The following STK31 variants were observed in gnomAD, a reference collection of about 807,000 sequenced individuals.
STK31 encodes the protein serine/threonine kinase 31, also known as serine/threonine-protein kinase 31.
STK31 carries 89 observed loss-of-function variants against 129.7 expected under a neutral mutation model. That is an observed-to-expected ratio of 0.69 (90% confidence interval 0.58 to 0.82). STK31 has a LOEUF of 0.82. STK31 is among the 40% of genes least tolerant of loss of function. The pLI is 0.00. For synonymous variants in STK31, 448 were observed against 395.3 expected (o/e 1.13, Z -1.58); for missense variants, 1,187 against 1,176.4 (o/e 1.01, Z -0.13).
intron 17 of STK31, among the ~76,000 whole-genome samples, chr7:23,784,498 C>T (rs1325837382): frequency 1.3e-5 from 2 of 152,004 alleles, no homozygotes; most frequent in Non-Finnish European, 2.9e-5. Context: ...TATGTACTGC[C>T]ACATGGGACT....
In STK31 at chr7:23,737,036, G is replaced by T; in HGVS notation, c.975G>T (p.Lys325Asn). The change falls in exon 8 of 24, where the codon AAG (lysine) becomes AAT (asparagine). Residue 325 changes from lysine to asparagine, a missense_variant. Lys to Asn is a moderately conservative substitution (Grantham distance 94, BLOSUM62 0). Coordinates refer to ENST00000355870, the MANE Select transcript of STK31 (RefSeq NM_031414.5). The part of the protein sequence containing the change: ...TEKDALLESY[K>N]ALELKVEQIA... ...AGGACGCTCTTCTTGAAAGTTATAA[G>T]GCGTTAGAATTGAAAGTAGAGCAGA... 1 of 1,611,682 alleles carries T rather than the reference G, an allele frequency of 6.2e-7. No homozygotes were observed. Among genetic ancestry groups the T allele is most frequent in the Admixed American group, 1.7e-5 (1 of 59,868 alleles).
chr7:23,807,645 T>G (rs1792790885), intron 22 of STK31, among the ~76,000 whole-genome samples: 1 of 151,162 alleles, frequency 6.6e-6, no homozygotes, highest in African/African-American at 2.5e-5. Flanking sequence ...CCCCACCCTT[T>G]CTCCTCTTTT....
chr7:23,750,395 T>A (rs1054416395), intron 8 of STK31, among the ~76,000 whole-genome samples: 3 of 152,198 alleles, frequency 2.0e-5, no homozygotes, highest in African/African-American at 7.2e-5. Flanking sequence ...ATCTCACCTT[T>A]TCTTACAGAT....
Position 23,772,187 on chromosome 7 carries a change from G to A in STK31, c.1874G>A (p.Ser625Asn). 2 of 1,601,570 alleles carry A rather than the reference G, an allele frequency of 1.2e-6. No individual in the cohort carries two copies. The highest frequency in any genetic ancestry group is 2.7e-5 in the African/African-American group (2 of 74,554). Residue 625 changes from serine (S) to asparagine (N), a missense_variant, in exon 15 of 24, where the codon AGT becomes AAT. By Grantham distance (46) the Ser-to-Asn change is conservative (BLOSUM62 1). Coordinates refer to ENST00000355870, the MANE Select transcript of STK31 (RefSeq NM_031414.5). Reference protein sequence around the residue: ...QLIEYLNKSPSVDHLLSIKKT... With the variant: ...QLIEYLNKSPNVDHLLSIKKT... ...ATTGAATATTTAAATAAGAGTCCCA[G>A]TGTGGATCACTTGCTATCCATTAAG... is the stretch of plus-strand genomic sequence containing the variant.
intron 4 of STK31, among the ~76,000 whole-genome samples, chr7:23,724,568 C>A (rs1490008862): frequency 6.6e-6 from 1 of 152,182 alleles, no homozygotes; most frequent in Admixed American, 6.5e-5. Flanking sequence ...GCATATCTGT[C>A]GCTTACCTTA....
chr7:23,752,457 C>G lies in STK31; in HGVS notation c.1018-260C>G, dbSNP rs117432643. Among the ~76,000 whole-genome samples, 500 of 151,882 alleles carry G rather than the reference C, an allele frequency of 3.3e-3. 3 individuals carry two copies. Among genetic ancestry groups the G allele is most frequent in the Middle Eastern group, 0.01 (3 of 294 alleles). ...CTCTGCCTCCCTAACTCAAGCCATC[C>G]TCTCACCTTAGCCTCCTAAGTAGCT... On this transcript the variant is annotated intron_variant, in intron 8 of 23. Coordinates refer to ENST00000355870, the MANE Select transcript of STK31 (RefSeq NM_031414.5).
chr7:23,743,911 A>G (rs927426017), intron 8 of STK31, among the ~76,000 whole-genome samples: 2 of 150,248 alleles, frequency 1.3e-5, no homozygotes, highest in Non-Finnish European at 3.0e-5. Flanking sequence ...TTGATCTAGT[A>G]TTTTTTGTTG....
intron 3 of STK31, among the ~76,000 whole-genome samples, chr7:23,712,813 G>A (rs1786057938): frequency 6.6e-6 from 1 of 152,164 alleles, no homozygotes; most frequent in Admixed American, 6.5e-5. Context: ...AAGCACTGAA[G>A]GGCTGTGTTC....
intron 22 of STK31, among the ~76,000 whole-genome samples, chr7:23,795,215 G>T (rs911363008): frequency 7.2e-5 from 11 of 152,196 alleles, no homozygotes; most frequent in African/African-American, 2.7e-4. Flanking sequence ...GCAGCCTTCA[G>T]ACATGGTGCC....
At chr7:23,716,946 T>C (rs1160977928) in intron 3 of STK31, among the ~76,000 whole-genome samples, 3 of 151,356 alleles carry the variant, frequency 2.0e-5, no homozygotes, top group Admixed American at 2.0e-4. Context: ...AGGTGCACAC[T>C]ACCATGCCCG....
At chr7:23,763,871 T>G (rs1433358571) in intron 11 of STK31, among the ~76,000 whole-genome samples, 1 of 152,226 alleles carries the variant, frequency 6.6e-6, no homozygotes, top group Admixed American at 6.5e-5. Flanking sequence ...TCTCTTCTAG[T>G]CCTTTTACCT....
At position 23,799,433 on chromosome 7, in the gene STK31, G is replaced by T. The variant is rs187715930; in HGVS notation, c.2760+8487G>T. 6.1e-4 allele frequency among the ~76,000 whole-genome samples: 92 copies of T among 152,020 alleles called. 1 individual carries two copies. Among genetic ancestry groups the T allele is most frequent in the Non-Finnish European group, 1.5e-4 (10 of 67,942 alleles). On this transcript the variant is annotated intron_variant, in intron 22 of 23. Coordinates refer to ENST00000355870, the MANE Select transcript of STK31 (RefSeq NM_031414.5). ...ACAAAACAGAGGCCACAGAAGTAAT[G>T]CCTCAGAAGTATCTACAACCATCTG...
intron 22 of STK31, among the ~76,000 whole-genome samples, chr7:23,795,571 C>A (rs1400656140): frequency 2.0e-5 from 3 of 152,172 alleles, no homozygotes; most frequent in Non-Finnish European, 4.4e-5. Context: ...CTCCAGACCC[C>A]AGAATGGTAG....
chr7:23,715,682 T>C (rs1457702671), intron 3 of STK31, among the ~76,000 whole-genome samples: 1 of 152,156 alleles, frequency 6.6e-6, no homozygotes. Flanking sequence ...TCACAAAGGC[T>C]GCTTCTCTTG....
Position 23,735,709 on chromosome 7 carries a change from G to C in STK31, c.655G>C (p.Asp219His). The C allele has an allele frequency of 1.2e-6, 2 of 1,614,050 alleles. No individual in the cohort carries two copies. Among genetic ancestry groups the C allele is most frequent in the East Asian group, 2.2e-5 (1 of 44,880 alleles). Residue 219 changes from aspartate (D) to histidine (H), a missense_variant, in exon 7 of 24, where the codon GAC becomes CAC. This residue lies in a region of STK31 where 975 missense variants were observed against 934.9 expected (regional missense o/e 1.04). Coordinates refer to ENST00000355870, the MANE Select transcript of STK31 (RefSeq NM_031414.5). ...AEKCRLASRTDICEEKKLDPG... is the reference protein window; with the variant it reads ...AEKCRLASRTHICEEKKLDPG... ...GAAATGCAGACTTGCTTCCAGAACT[G>C]ACATCTGTGAGGAAAAAAAATTGGA...
intron 4 of STK31, among the ~76,000 whole-genome samples, chr7:23,725,468 A>G (rs1040861475): frequency 1.3e-5 from 2 of 150,036 alleles, no homozygotes; most frequent in Admixed American, 1.3e-4. Context: ...GTGTGAGCCC[A>G]GAAGTTTGAG....
At chr7:23,817,056 C>T (rs983514972) in intron 23 of STK31, among the ~76,000 whole-genome samples, 31 of 152,142 alleles carry the variant, frequency 2.0e-4, no homozygotes, top group African/African-American at 6.7e-4. Context: ...GATGTGCTGG[C>T]GGGTGCCTGT....
chr7:23,717,426 G>GT, intron 3 of STK31, 55 bp from the exon 4 acceptor site: 1 of 1,292,316 alleles, frequency 7.7e-7, no homozygotes, highest in South Asian at 1.3e-5. Flanking sequence ...CCTCAAGCGT[G>GT]TAACACTGTA....
At chr7:23,720,472 C>T (rs146046277) in intron 4 of STK31, among the ~76,000 whole-genome samples, 61 of 152,146 alleles carry the variant, frequency 4.0e-4, no homozygotes, top group African/African-American at 1.3e-3. Flanking sequence ...AAGAGTCACA[C>T]GTAACAATTT....
Sources: allele counts gnomAD v4.1 joint callset (sites outside exome capture counted in the v4.1 genomes callset), GRCh38; gene constraint gnomAD v4.1.1; regional missense constraint gnomAD v4.1.1; transcripts MANE v1.5; gene names NCBI Gene and HGNC (gene_info 2026-07-23, HGNC 2026-07-21).